OSBP2: variants seen among roughly 807,000 people sequenced by gnomAD.
OSBP2 encodes oxysterol-binding protein 2.
OSBP2 carries 66 observed loss-of-function variants against 96.0 expected under a neutral mutation model. The ratio of observed to expected loss-of-function variants is 0.69; its 90% CI spans 0.56 to 0.84. OSBP2 has a LOEUF of 0.84. OSBP2 is among the 40% of genes least tolerant of loss of function. The pLI is 0.00. For missense variants in OSBP2, 1,038 were observed against 1,222.7 expected (o/e 0.85, Z 2.25); for synonymous variants, 525 against 520.9 (o/e 1.01, Z -0.11).
chr22:30,802,065 A>C (rs1248886455), intron 2 of OSBP2, among the ~76,000 whole-genome samples: 1 of 152,180 alleles, frequency 6.6e-6, no homozygotes, highest in East Asian at 1.9e-4. Context: ...GGACTCCAGA[A>C]AGGCGTGAGG....
rs767204868 is a variant in OSBP2, at chr22:30,870,693, AC to A, written c.1107+16del. The A allele has an allele frequency of 8.1e-6, 13 of 1,606,180 alleles. No individual in the cohort carries two copies. The highest frequency in any genetic ancestry group is 3.3e-5 in the Admixed American group (2 of 59,850). ...AATGCTATGATCAACGTGAGTACCC[AC>A]CCCCACCGCCCTGGCACGGGGCTCC... On this transcript the variant is annotated intron_variant, in intron 3 of 13. Transcript: ENST00000332585. The surrounding 1 kb of genome is among the most constrained non-coding windows in gnomAD (Gnocchi z 4.1).
At position 30,788,194 on chromosome 22, in the gene OSBP2, G is replaced by C. The variant is rs373972260; in HGVS notation, c.853+46825G>C. ...CCTCAGTACAAGTGACAGTGATGGT[G>C]ATGGTGGGGACAGTTTGATCAGCTG... On this transcript the variant is annotated intron_variant, in intron 2 of 13. Coordinates refer to ENST00000332585, the MANE Select transcript of OSBP2 (RefSeq NM_030758.4). 3.3e-5 allele frequency among the ~76,000 whole-genome samples: 5 copies of C among 152,256 alleles called. No homozygotes were observed. The East Asian group carries it at 9.6e-4, about 29-fold the overall frequency.
intron 1 of OSBP2, among the ~76,000 whole-genome samples, chr22:30,710,220 T>C (rs1348841640): frequency 1.3e-5 from 2 of 152,136 alleles, no homozygotes; most frequent in East Asian, 3.9e-4. Context: ...AAACTTCCCC[T>C]CATCTGCTAC....
intron 2 of OSBP2, among the ~76,000 whole-genome samples, chr22:30,785,820 TC>T (rs775084602): frequency 6.8e-4 from 104 of 152,180 alleles, no homozygotes; most frequent in Middle Eastern, 3.4e-3. Context: ...GTCTGGCACT[TC>T]CCTATGCTCC....
chr22:30,785,542 G>GT (rs2090575666), intron 2 of OSBP2, among the ~76,000 whole-genome samples: 1 of 149,928 alleles, frequency 6.7e-6, no homozygotes, highest in Non-Finnish European at 1.5e-5. Context: ...ACTCCAGTGT[G>GT]GGTGACAGAG....
chr22:30,889,229 G>A lies in OSBP2; in HGVS notation c.1471G>A (p.Asp491Asn), dbSNP rs1179956963. 2 of 1,613,142 alleles carry A rather than the reference G, an allele frequency of 1.2e-6. No homozygotes were observed. Among genetic ancestry groups the A allele is most frequent in the Non-Finnish European group, 8.5e-7 (1 of 1,179,820 alleles). Reference protein sequence around the residue: ...GTSSVDWSSADNVLDGASLVP... With the variant: ...GTSSVDWSSANNVLDGASLVP... ...AAGTTCCGTGGACTGGAGCTCAGCA[G>A]ACAATGTAAGTGAGGGGGAGCACTG... Residue 491 changes from aspartate to asparagine, a missense_variant, in exon 6 of 14, where the codon GAC becomes AAC. This residue lies in a region of OSBP2 where 737 missense variants were observed against 913.3 expected (regional missense o/e 0.81). Transcript: ENST00000332585.
At chr22:30,748,504 A>T (rs2090035316) in intron 2 of OSBP2, among the ~76,000 whole-genome samples, 1 of 152,168 alleles carries the variant, frequency 6.6e-6, no homozygotes, top group African/African-American at 2.4e-5. Context: ...TGGTGACCTC[A>T]GGGCCAGACA....
rs2039910007 is a variant in OSBP2 at position 30,890,064 on chromosome 22, T to C, written c.1623+428T>C. 6.6e-6 allele frequency among the ~76,000 whole-genome samples: 1 copy of C among 152,206 alleles called. No homozygotes were observed. Among genetic ancestry groups the C allele is most frequent in the African/African-American group, 2.4e-5 (1 of 41,448 alleles). On this transcript the variant is annotated intron_variant, in intron 7 of 13. Transcript: ENST00000332585. The surrounding 1 kb of genome is among the most constrained non-coding windows in gnomAD (Gnocchi z 4.4). Reference sequence around the variant, plus strand: ...TCAGAGCTTGGATCCTCATGCCACCTGGCTACAGTGGCATCTCCACTAGGC... The same window carrying C: ...TCAGAGCTTGGATCCTCATGCCACCCGGCTACAGTGGCATCTCCACTAGGC...
intron 2 of OSBP2, among the ~76,000 whole-genome samples, chr22:30,832,897 GTC>G (rs1343327598): frequency 1.3e-5 from 2 of 152,216 alleles, no homozygotes; most frequent in Admixed American, 6.5e-5. Flanking sequence ...TTCCAGGAGT[GTC>G]TCCCTGTGAA....
At chr22:30,787,591 T>G (rs1417124507) in intron 2 of OSBP2, among the ~76,000 whole-genome samples, 2 of 152,106 alleles carry the variant, frequency 1.3e-5, no homozygotes, top group African/African-American at 4.8e-5. Flanking sequence ...GAGAATCACT[T>G]GAACCCGGGA....
At chr22:30,905,727 G>A in intron 12 of OSBP2, 110 bp from the exon 13 acceptor site, 1 of 1,427,392 alleles carries the variant, frequency 7.0e-7, no homozygotes, top group Non-Finnish European at 9.2e-7. Context: ...GCGGGGAGCT[G>A]GAGGGTGAGG....
upstream of OSBP2, chr22:30,694,300 T>G (rs1324241286): frequency 6.5e-7 from 1 of 1,549,290 alleles, no homozygotes; most frequent in Non-Finnish European, 8.7e-7. Context: ...AGGCGGCCAC[T>G]TGGGGCCACC....
intron 1 of OSBP2, among the ~76,000 whole-genome samples, chr22:30,721,441 T>C (rs4820896): frequency 0.058 from 8,803 of 152,224 alleles, 376 homozygotes; most frequent in South Asian, 0.16. Context: ...CAGTGAATGC[T>C]GCGCTGACTG....
intron 2 of OSBP2, among the ~76,000 whole-genome samples, chr22:30,800,874 TG>T (rs980692155): frequency 2.6e-5 from 4 of 152,088 alleles, no homozygotes; most frequent in African/African-American, 9.7e-5. Context: ...GGCATGTCAG[TG>T]GAAATTCTAA....
In OSBP2 at chr22:30,905,986, A is replaced by T. The variant is rs751604014; in HGVS notation, c.2525A>T (p.Gln842Leu). ...GRWDEANTEK[Q>L]RLEEKQRLSR... ...TGGGACGAGGCCAATACCGAGAAGC[A>T]GCGGCTGGAGGAGAAGCAGCGCCTG... The change falls in exon 13 of 14, where the codon CAG (glutamine) becomes CTG (leucine). Residue 842 changes from glutamine to leucine, a missense_variant. Coordinates refer to ENST00000332585, the MANE Select transcript of OSBP2 (RefSeq NM_030758.4). The T allele has an allele frequency of 2.1e-5, 34 of 1,602,270 alleles. No individual in the cohort carries two copies. In the Admixed American group the frequency reaches 5.9e-4, roughly 28 times the overall value.
intron 2 of OSBP2, among the ~76,000 whole-genome samples, chr22:30,793,263 G>T (rs1193419381): frequency 6.6e-6 from 1 of 152,014 alleles, no homozygotes; most frequent in Non-Finnish European, 1.5e-5. Flanking sequence ...GGTGGCAGGT[G>T]CCTGTAATCC....
chr22:30,840,907 G>A (rs941676181), intron 2 of OSBP2, among the ~76,000 whole-genome samples: 1 of 152,080 alleles, frequency 6.6e-6, no homozygotes, highest in African/African-American at 2.4e-5. Context: ...ACTCATGCCT[G>A]TAATCTCAGG....
intron 2 of OSBP2, among the ~76,000 whole-genome samples, chr22:30,858,768 A>G (rs549273585): frequency 6.6e-6 from 1 of 151,186 alleles, no homozygotes; most frequent in East Asian, 2.0e-4. Context: ...AATCCCAGCT[A>G]CTCAGGAGGC....
chr22:30,906,096 G>A, intron 13 of OSBP2, 27 bp downstream of exon 13: 6 of 1,593,120 alleles, frequency 3.8e-6, no homozygotes, highest in Non-Finnish European at 4.3e-6. Flanking sequence ...AGGGCGCCCC[G>A]GAGGGGAGGA....
Sources: gnomAD v4.1 joint callset for allele counts (sites outside exome capture counted in the v4.1 genomes callset) on GRCh38, gnomAD v4.1.1 for gene constraint, gnomAD v4.1.1 regional missense constraint, Gnocchi (gnomAD v3.1) non-coding constraint, MANE v1.5 for transcripts, NCBI Gene and HGNC (gene_info 2026-07-23, HGNC 2026-07-21) for gene names.